Variants in NDE1 observed in about 807,000 individuals in gnomAD.
The protein encoded by NDE1 is nudE neurodevelopment protein 1.
Under a neutral mutation model 43.4 loss-of-function variants are expected in NDE1, and 28 were observed. The ratio of observed to expected loss-of-function variants is 0.65; its 90% CI spans 0.48 to 0.89. The LOEUF (loss-of-function observed/expected upper bound fraction) is 0.89. Among genes scored for constraint, NDE1 ranks in the 40% least tolerant of loss-of-function variants. The pLI, the probability that NDE1 is intolerant of heterozygous loss-of-function variation, is 0.00. For synonymous variants in NDE1, 184 were observed against 172.0 expected (o/e 1.07, Z -0.55); for missense variants, 441 against 434.1 (o/e 1.02, Z -0.14).
At chr16:15,691,647 G>GTTTT (rs11397970) in intron 6 of NDE1, among the ~76,000 whole-genome samples, 10 of 146,496 alleles carry the variant, frequency 6.8e-5, no homozygotes, top group African/African-American at 2.5e-4. Context: ...TTTTTGTTGG[G>GTTTT]TTTTTTTTTT....
chr16:15,687,101 G>A (rs1054945178), intron 4 of NDE1: 6 of 1,318,322 alleles, frequency 4.6e-6, no homozygotes, highest in Non-Finnish European at 5.9e-6. Context: ...TCCTGATAGG[G>A]CTTTGGCTTA....
upstream of NDE1, chr16:15,649,512 G>C (rs2036401805): frequency 6.6e-6 from 1 of 152,250 alleles, no homozygotes; most frequent in South Asian, 2.1e-4. Flanking sequence ...ATCTTTAGTA[G>C]AGACGGGGTT....
In NDE1 at chr16:15,691,019, G is replaced by T. The variant is rs1411909094; in HGVS notation, c.524-125G>T. 2.8e-6 allele frequency: 3 copies of T among 1,081,550 alleles called. No individual in the cohort carries two copies. In the African/African-American group the frequency reaches 4.7e-5, roughly 17 times the overall value. The allele number at this position is 1,081,550 out of a possible 1,614,324, so 67.0% of individuals were successfully genotyped here. On this transcript the variant is annotated intron_variant, in intron 5 of 8. Coordinates refer to ENST00000396354, the MANE Select transcript of NDE1 (RefSeq NM_017668.3). The stretch of plus-strand genomic sequence containing the variant: ...GATGAGGTTTCACCATGTTGGTCAG[G>T]CTGGTCTCGAACTCCTGACCTCAGG...
In NDE1 at chr16:15,665,985, A is replaced by G. The variant is rs1005983461; in HGVS notation, c.83+1124A>G. On this transcript the variant is annotated intron_variant, in intron 2 of 8. Transcript: ENST00000396354. Reference sequence around the variant, plus strand: ...TGGTCAGGCAGCTCTCGAACTCCCAACCTCAGGTGATCCACTTGCCTCGGC... The same window carrying G: ...TGGTCAGGCAGCTCTCGAACTCCCAGCCTCAGGTGATCCACTTGCCTCGGC... Among the ~76,000 whole-genome samples, 31 of 151,668 alleles carry G rather than the reference A, an allele frequency of 2.0e-4. 1 individual carries two copies. Among genetic ancestry groups the G allele is most frequent in the Non-Finnish European group, 3.7e-4 (25 of 67,920 alleles).
At chr16:15,666,038 G>T (rs1318063504) in intron 2 of NDE1, among the ~76,000 whole-genome samples, 2 of 151,904 alleles carry the variant, frequency 1.3e-5, no homozygotes, top group East Asian at 3.9e-4. Context: ...TTACAGGCGT[G>T]AGCCACCACG....
rs762926446 is a variant in NDE1 at position 15,694,177 on chromosome 16, C to T, written c.716C>T (p.Ser239Phe). 3.1e-6 allele frequency: 5 copies of T among 1,612,712 alleles called. No homozygotes were observed. The highest frequency in any genetic ancestry group is 2.2e-5 in the East Asian group (1 of 44,870). ...TTTGCACACCCAGGCCTGGACGACT[C>T]CACCGGGGGGACCCCCCTCACACCT... is the stretch of plus-strand genomic sequence containing the variant. ...PGSFRRGLDD[S>F]TGGTPLTPAA... The change falls in exon 7 of 9, where the codon TCC (serine) becomes TTC (phenylalanine). Residue 239 changes from serine (S) to phenylalanine (F), a missense_variant. Physicochemically the swap from Ser to Phe is radical, Grantham distance 155 (BLOSUM62 -2). Transcript: ENST00000396354.
At chr16:15,665,834 A>G (rs1369686864) in intron 2 of NDE1, among the ~76,000 whole-genome samples, 1 of 148,102 alleles carries the variant, frequency 6.8e-6, no homozygotes, top group Non-Finnish European at 1.5e-5. Context: ...TCGGCTCACC[A>G]CAAGCTCCAC....
chr16:15,675,365 A>AT (rs1309078991), intron 3 of NDE1, among the ~76,000 whole-genome samples: 1 of 150,010 alleles, frequency 6.7e-6, no homozygotes, highest in Non-Finnish European at 1.5e-5. Flanking sequence ...GGCCCAGCTA[A>AT]TTTTTTGTAT....
intron 3 of NDE1, among the ~76,000 whole-genome samples, chr16:15,672,026 A>G (rs1327553595): frequency 6.6e-6 from 1 of 151,952 alleles, no homozygotes; most frequent in East Asian, 1.9e-4. Context: ...CTGGGTTGAA[A>G]AGCTGGGTAG....
intron 8 of NDE1, chr16:15,703,820 TA>T: frequency 1.1e-6 from 1 of 894,910 alleles, no homozygotes; most frequent in Non-Finnish European, 1.8e-6. Context: ...GTGGTTTTTA[TA>T]TTCCTTGTGT....
intron 4 of NDE1, chr16:15,686,397 C>T (rs751760435): frequency 1.4e-4 from 133 of 985,154 alleles, no homozygotes; most frequent in Non-Finnish European, 1.5e-4. Flanking sequence ...CAGCACTTGG[C>T]AGTGCCTTTA....
intron 1 of NDE1, among the ~76,000 whole-genome samples, chr16:15,653,713 A>T (rs1487832872): frequency 2.6e-5 from 4 of 151,902 alleles, no homozygotes; most frequent in African/African-American, 9.6e-5. Flanking sequence ...ATGCAAAAAA[A>T]AAAAAAGCAT....
In NDE1 at chr16:15,724,225, A is replaced by G. The variant is rs764485187; in HGVS notation, c.982A>G (p.Thr328Ala). The G allele has an allele frequency of 5.6e-6, 9 of 1,614,180 alleles. No individual in the cohort carries two copies. The highest frequency in any genetic ancestry group is 7.6e-6 in the Non-Finnish European group (9 of 1,180,048). Reference protein sequence around the residue: ...DTSCRWLSKSTTRSSSSC With the variant: ...DTSCRWLSKSATRSSSSC ...GAGTTGCCGCTGGTTGTCCAAATCA[A>G]CAACCAGGTCGTCCAGCTCCTGCTG... Residue 328 changes from threonine (T) to alanine (A), a missense_variant, in exon 9 of 9, where the codon ACA (threonine) becomes GCA (alanine). Coordinates refer to ENST00000396354, the MANE Select transcript of NDE1 (RefSeq NM_017668.3).
At chr16:15,699,717 CTCTG>C in intron 8 of NDE1, 1 of 1,348,876 alleles carries the variant, frequency 7.4e-7, no homozygotes. Flanking sequence ...ATTTGGTTTG[CTCTG>C]TCTGAAGGTT....
At chr16:15,713,563 A>C (rs1227023310) in intron 8 of NDE1, 1 of 152,188 alleles carries the variant, frequency 6.6e-6, no homozygotes, top group Non-Finnish European at 1.5e-5. Flanking sequence ...TGGCTAGATC[A>C]TGGCTCACTG....
chr16:15,674,013 T>G (rs139583829), intron 3 of NDE1, among the ~76,000 whole-genome samples: 1 of 152,272 alleles, frequency 6.6e-6, no homozygotes, highest in East Asian at 1.9e-4. Flanking sequence ...AGTCTCAGTG[T>G]TCATGTCTCT....
rs554671949 is a variant in NDE1 at position 15,726,041 on chromosome 16, T to C, written c.*1790T>C. On this transcript the variant is annotated 3_prime_UTR_variant, in exon 9 of 9. Coordinates refer to ENST00000396354, the MANE Select transcript of NDE1 (RefSeq NM_017668.3). ...TAATTTTTCTACTTACCACAGGGCC[T>C]TTGCACACGCTGTTCCCTCTGCCTG... is the stretch of plus-strand genomic sequence containing the variant. The C allele has an allele frequency of 1.3e-4, 29 of 222,810 alleles. No individual in the cohort carries two copies. In the East Asian group the frequency reaches 2.3e-3, roughly 18 times the overall value. 13.8% of individuals were successfully genotyped at this position (222,810 alleles called of 1,614,324 possible).
chr16:15,704,256 C>CA (rs1433808219), intron 8 of NDE1: 1 of 968,964 alleles, frequency 1.0e-6, no homozygotes, highest in Non-Finnish European at 1.6e-6. Flanking sequence ...AGAAAACACA[C>CA]ACGGCACAAA....
At chr16:15,712,421 G>A (rs11862401) in intron 8 of NDE1, among the ~76,000 whole-genome samples, 1,853 of 152,090 alleles carry the variant, frequency 0.012, 44 homozygotes, top group African/African-American at 0.043. Context: ...AGGCTGAGGC[G>A]GGTGGATCAC....
Sources: gnomAD v4.1 joint callset for allele counts (sites outside exome capture counted in the v4.1 genomes callset) on GRCh38, gnomAD v4.1.1 for gene constraint, MANE v1.5 for transcripts, NCBI Gene and HGNC (gene_info 2026-07-23, HGNC 2026-07-21) for gene names.